Variants in SLC14A2 observed in about 807,000 individuals in gnomAD.
The protein encoded by SLC14A2 is solute carrier family 14 member 2, also known as urea transporter 2.
A neutral mutation model predicts 104.6 loss-of-function variants in SLC14A2; 91 were observed. That is an observed-to-expected ratio of 0.87 (90% CI 0.73 to 1.04). The LOEUF (loss-of-function observed/expected upper bound fraction) is 1.04, where lower values mean the gene tolerates loss of function less well. Ranked by LOEUF, SLC14A2 falls within the 50% of genes least tolerant of loss-of-function variation. The probability of loss-of-function intolerance (pLI) is 0.00; values close to 1 mark genes in which losing one functional copy is unlikely to be tolerated. For missense variants in SLC14A2, 1,189 were observed against 1,156.0 expected (o/e 1.03, Z -0.41); for synonymous variants, 476 against 466.4 (o/e 1.02, Z -0.27).
At chr18:45,390,966 A>G (rs1437043549) in intron 1 of SLC14A2, among the ~76,000 whole-genome samples, 3 of 152,182 alleles carry the variant, frequency 2.0e-5, no homozygotes, top group Admixed American at 2.0e-4. Context: ...TTTAGGGTAC[A>G]TGTGCACAAT....
rs147560020 is a variant in SLC14A2 at position 45,306,445 on chromosome 18, G to A, written c.-125+93254G>A. ...CCATTCAGTCTCTGTCATAGCTACC[G>A]GACCCTGCCCTCGTAGCATGAAAGC... is the stretch of plus-strand genomic sequence containing the variant. On this transcript the variant is annotated intron_variant, in intron 1 of 20. Transcript: ENST00000586448. Among the ~76,000 whole-genome samples, 42 of 152,250 alleles carry A rather than the reference G, an allele frequency of 2.8e-4. No homozygotes were observed. In the East Asian group the frequency reaches 5.4e-3, roughly 20 times the overall value.
At chr18:45,398,874 T>C (rs746415183) in intron 1 of SLC14A2, among the ~76,000 whole-genome samples, 2 of 152,188 alleles carry the variant, frequency 1.3e-5, no homozygotes, top group Non-Finnish European at 2.9e-5. Context: ...ACTATCAGTT[T>C]AGGATGATGA....
intron 1 of SLC14A2, among the ~76,000 whole-genome samples, chr18:45,308,653 G>T (rs927102764): frequency 1.3e-5 from 2 of 152,110 alleles, no homozygotes; most frequent in Admixed American, 1.3e-4. Flanking sequence ...TGTCAGTGCC[G>T]CCTCCCTCCC....
At chr18:45,636,808 G>A (rs1359787269) in intron 5 of SLC14A2, among the ~76,000 whole-genome samples, 182 bp from the exon 6 acceptor site, 1 of 152,116 alleles carries the variant, frequency 6.6e-6, no homozygotes, top group African/African-American at 2.4e-5. Flanking sequence ...AAAGGTAAGA[G>A]CTGAAATTGA....
chr18:45,611,151 C>T (rs1298683981), upstream of SLC14A2, among the ~76,000 whole-genome samples: 1 of 152,100 alleles, frequency 6.6e-6, no homozygotes, highest in Non-Finnish European at 1.5e-5. Flanking sequence ...CCTCCCATTC[C>T]AAACACCCCC....
At chr18:45,424,116 C>T (rs1219263836) in intron 1 of SLC14A2, 1 of 152,218 alleles carries the variant, frequency 6.6e-6, no homozygotes, top group Non-Finnish European at 1.5e-5. Flanking sequence ...GTAACAGCAT[C>T]ACTTCTGGAT....
chr18:45,675,957 C>G (rs941897733), intron 18 of SLC14A2, among the ~76,000 whole-genome samples: 1 of 151,894 alleles, frequency 6.6e-6, no homozygotes, highest in Non-Finnish European at 1.5e-5. Flanking sequence ...GCAGACAGAA[C>G]AGCCCCACTG....
intron 1 of SLC14A2, among the ~76,000 whole-genome samples, chr18:45,295,302 A>G (rs940826120): frequency 6.8e-6 from 1 of 146,908 alleles, no homozygotes; most frequent in African/African-American, 2.5e-5. Context: ...TTTTTAAAGC[A>G]TTTTTTTTTT....
chr18:45,238,376 GC>G (rs780342600), intron 1 of SLC14A2, among the ~76,000 whole-genome samples: 15 of 152,254 alleles, frequency 9.9e-5, no homozygotes, highest in Non-Finnish European at 2.1e-4. Context: ...ACCTGAGAGA[GC>G]GGTTAGAGTG....
intron 1 of SLC14A2, among the ~76,000 whole-genome samples, chr18:45,220,931 A>T (rs1157165588): frequency 6.6e-6 from 1 of 152,190 alleles, no homozygotes; most frequent in African/African-American, 2.4e-5. Context: ...TTCTCTGTGT[A>T]TGTACATTCC....
At chr18:45,459,498 A>T (rs1476833077) in intron 1 of SLC14A2, among the ~76,000 whole-genome samples, 4 of 152,138 alleles carry the variant, frequency 2.6e-5, no homozygotes, top group Non-Finnish European at 5.9e-5. Context: ...TCTCTGCCTC[A>T]AAGAAGGTGT....
At chr18:45,232,223 G>A (rs1254991994) in intron 1 of SLC14A2, among the ~76,000 whole-genome samples, 1 of 152,126 alleles carries the variant, frequency 6.6e-6, no homozygotes, top group South Asian at 2.1e-4. Flanking sequence ...TGAGGCATCA[G>A]GAAACTTACA....
intron 2 of SLC14A2, among the ~76,000 whole-genome samples, chr18:45,556,320 C>A (rs2044132876): frequency 6.6e-6 from 1 of 152,106 alleles, no homozygotes; most frequent in South Asian, 2.1e-4. Flanking sequence ...AGTGTTTTAC[C>A]CTGCAGGTCT....
intron 15 of SLC14A2, among the ~76,000 whole-genome samples, 159 bp from the exon 16 acceptor site, chr18:45,669,147 G>A (rs1343608850): frequency 2.0e-5 from 3 of 152,214 alleles, no homozygotes; most frequent in Admixed American, 2.0e-4. Flanking sequence ...CAGGGAGGAA[G>A]AGGCCCAGGG....
intron 1 of SLC14A2, among the ~76,000 whole-genome samples, chr18:45,354,704 G>A (rs182841090): frequency 2.0e-4 from 30 of 152,328 alleles, no homozygotes; most frequent in Non-Finnish European, 2.9e-4. Flanking sequence ...ATGGCCAGAT[G>A]AGGAAAAATT....
At chr18:45,281,369 T>C (rs1366771899) in intron 1 of SLC14A2, among the ~76,000 whole-genome samples, 9 of 152,086 alleles carry the variant, frequency 5.9e-5, no homozygotes, top group Non-Finnish European at 1.2e-4. Context: ...CAGCAATGAC[T>C]CCGCCACACC....
chr18:45,319,003 G>C (rs796569451), intron 1 of SLC14A2, among the ~76,000 whole-genome samples: 7 of 152,248 alleles, frequency 4.6e-5, no homozygotes, highest in African/African-American at 1.4e-4. Context: ...AGAGACCCCA[G>C]TACAGAGACT....
intron 2 of SLC14A2, among the ~76,000 whole-genome samples, chr18:45,509,746 G>A (rs1009955057): frequency 6.6e-6 from 1 of 152,178 alleles, no homozygotes; most frequent in Non-Finnish European, 1.5e-5. Context: ...GGTTCCAGGG[G>A]CCAAAGCCCT....
intron 11 of SLC14A2, 75 bp from the exon 12 acceptor site, chr18:45,666,062 C>A: frequency 9.9e-7 from 1 of 1,013,542 alleles, no homozygotes; most frequent in Non-Finnish European, 1.6e-6. Flanking sequence ...CCTCTTGAGC[C>A]TTGCAGGACA....
Sources: gnomAD v4.1 joint callset for allele counts (sites outside exome capture counted in the v4.1 genomes callset) on GRCh38, gnomAD v4.1.1 for gene constraint, MANE v1.5 for transcripts, NCBI Gene and HGNC (gene_info 2026-07-23, HGNC 2026-07-21) for gene names.